The following C6 variants were observed in gnomAD, a reference collection of about 807,000 sequenced individuals.
The protein encoded by C6 is complement component C6.
In C6, 101 loss-of-function variants were observed where a neutral mutation model predicts 112.9. That is an observed-to-expected ratio of 0.89 (90% CI 0.76 to 1.06). The LOEUF (loss-of-function observed/expected upper bound fraction) is 1.06, where lower values mean the gene tolerates loss of function less well. Ranked by LOEUF, C6 falls within the 50% of genes least tolerant of loss-of-function variation. The pLI, the probability that C6 is intolerant of heterozygous loss-of-function variation, is 0.00. For synonymous variants in C6, 431 were observed against 384.1 expected (o/e 1.12, Z -1.43); for missense variants, 1,202 against 1,104.6 (o/e 1.09, Z -1.25).
upstream of C6, among the ~76,000 whole-genome samples, chr5:41,214,546 G>A (rs1464300061): frequency 6.6e-6 from 1 of 152,050 alleles, no homozygotes; most frequent in Non-Finnish European, 1.5e-5. Context: ...ATTGAAATTT[G>A]GGCCTAAAGA....
chr5:41,234,352 TTTTTGTTTTTTG>T (rs1740108052), intron 1 of C6, among the ~76,000 whole-genome samples: 1 of 139,774 alleles, frequency 7.2e-6, no homozygotes, highest in African/African-American at 3.1e-5. Context: ...TTTTTTTTGT[TTTTTGTTTTTTG>T]TTTTTTTTTT....
intron 1 of C6, among the ~76,000 whole-genome samples, chr5:41,226,580 G>A (rs979555620): frequency 6.6e-6 from 1 of 152,216 alleles, no homozygotes; most frequent in South Asian, 2.1e-4. Flanking sequence ...GAAATTTTAT[G>A]TCTCATGAAC....
intron 15 of C6, among the ~76,000 whole-genome samples, chr5:41,152,243 A>T (rs78324877): frequency 0.03 from 4,510 of 152,206 alleles, 220 homozygotes; most frequent in African/African-American, 0.1. Context: ...CACTTGAACC[A>T]AGATGAGGAA....
intron 9 of C6, among the ~76,000 whole-genome samples, chr5:41,168,897 A>G (rs1427438003): frequency 1.3e-5 from 2 of 152,188 alleles, no homozygotes; most frequent in Non-Finnish European, 2.9e-5. Flanking sequence ...CCTTGTAGAG[A>G]ATCTTTTGTA....
intron 4 of C6, among the ~76,000 whole-genome samples, chr5:41,198,320 T>C (rs1456870880): frequency 6.6e-6 from 1 of 152,184 alleles, no homozygotes; most frequent in Non-Finnish European, 1.5e-5. Flanking sequence ...CCATTGACAG[T>C]GGCATTAGTA....
intron 4 of C6, among the ~76,000 whole-genome samples, chr5:41,196,598 A>T (rs1750639677): frequency 6.6e-6 from 1 of 151,626 alleles, no homozygotes; most frequent in Non-Finnish European, 1.5e-5. Context: ...GCACACTTAG[A>T]ATTGCATATT....
intron 1 of C6, among the ~76,000 whole-genome samples, chr5:41,236,531 G>T (rs1561197266): frequency 8.0e-6 from 1 of 124,250 alleles, no homozygotes; most frequent in African/African-American, 3.2e-5. Context: ...AAACCAACGA[G>T]AACAAAGACA....
At chr5:41,202,378 G>A (rs1751095108) in intron 2 of C6, among the ~76,000 whole-genome samples, 1 of 152,170 alleles carries the variant, frequency 6.6e-6, no homozygotes, top group Non-Finnish European at 1.5e-5. Context: ...GAGGAATATT[G>A]TAAACAAATC....
chr5:41,155,196 T>C, intron 13 of C6, 92 bp from the exon 14 acceptor site: 2 of 1,230,208 alleles, frequency 1.6e-6, no homozygotes. Context: ...ATCCTTCACT[T>C]CTGGATCTAC....
chr5:41,176,826 A>T, intron 7 of C6, 111 bp from the exon 8 acceptor site: 1 of 1,036,738 alleles, frequency 9.6e-7, no homozygotes, highest in Non-Finnish European at 1.4e-6. Context: ...ACAGAATTAC[A>T]ATAATTCTCA....
At chr5:41,207,863 C>G (rs2150381371) in intron 1 of C6, among the ~76,000 whole-genome samples, 1 of 152,292 alleles carries the variant, frequency 6.6e-6, no homozygotes, top group East Asian at 1.9e-4. Context: ...GAACTCAGCT[C>G]TGCACCAAGC....
chr5:41,224,920 CT>C (rs1233662997), intron 1 of C6, among the ~76,000 whole-genome samples: 3 of 151,918 alleles, frequency 2.0e-5, no homozygotes, highest in Non-Finnish European at 2.9e-5. Flanking sequence ...TTGTTATTTT[CT>C]TTTTTTTCTT....
exon 1 of C6, chr5:41,261,203 A>C (rs889698823): frequency 1.0e-6 from 1 of 985,714 alleles, no homozygotes; most frequent in Non-Finnish European, 1.2e-6. Flanking sequence ...CTATGCATCT[A>C]TGACTTGAAG....
At chr5:41,184,482 C>CTT (rs71278696) in intron 6 of C6, among the ~76,000 whole-genome samples, 6 of 149,412 alleles carry the variant, frequency 4.0e-5, no homozygotes, top group African/African-American at 4.9e-5. Context: ...CTTTTCTTTT[C>CTT]TTTTTTTTTG....
intron 6 of C6, among the ~76,000 whole-genome samples, chr5:41,183,733 G>A (rs1344230365): frequency 3.3e-5 from 5 of 152,092 alleles, no homozygotes; most frequent in Non-Finnish European, 5.9e-5. Context: ...ATTAACCTAG[G>A]TGCCAATCAG....
rs192141995 is a variant in C6 at position 41,206,000 on chromosome 5, G to C, written c.-20-2750C>G. 5.2e-3 allele frequency among the ~76,000 whole-genome samples: 795 copies of C among 152,306 alleles called. 5 individuals carry two copies. The highest frequency in any genetic ancestry group is 0.035 in the South Asian group (168 of 4,818). Reference sequence around the variant, plus strand: ...GCCGACTGACACCTCATACAGCTGGGTGCCCCTCTGAGACGAAGCTTCCAG... The same window carrying C: ...GCCGACTGACACCTCATACAGCTGGCTGCCCCTCTGAGACGAAGCTTCCAG... On this transcript the variant is annotated intron_variant, in intron 1 of 17. Transcript: ENST00000337836.
At chr5:41,212,373 C>A (rs1752001355) in intron 1 of C6, among the ~76,000 whole-genome samples, 1 of 152,012 alleles carries the variant, frequency 6.6e-6, no homozygotes, top group South Asian at 2.1e-4. Context: ...TTTGGTCAGG[C>A]TCGTCTTGAA....
Position 41,174,153 on chromosome 5 carries a change from A to C in C6, c.1169-1806T>G, listed in dbSNP as rs866375120. On this transcript the variant is annotated intron_variant, in intron 8 of 17. Transcript: ENST00000337836. ...TGAATCTTCAAAGATTTGAATGATGAATATTTTTTATGACATTGGTCATGC... is the reference window on the plus strand; with the variant it reads ...TGAATCTTCAAAGATTTGAATGATGCATATTTTTTATGACATTGGTCATGC... 2.7e-4 allele frequency among the ~76,000 whole-genome samples: 41 copies of C among 152,338 alleles called. No individual in the cohort carries two copies. The Middle Eastern group carries it at 0.01, about 38-fold the overall frequency.
intron 1 of C6, among the ~76,000 whole-genome samples, chr5:41,242,609 TAAGA>T: frequency 6.6e-6 from 1 of 152,210 alleles, no homozygotes; most frequent in Non-Finnish European, 1.5e-5. Context: ...TTTTCTTAAT[TAAGA>T]AATTGTTTTC....
Sources: allele counts gnomAD v4.1 joint callset (sites outside exome capture counted in the v4.1 genomes callset), GRCh38; gene constraint gnomAD v4.1.1; transcripts MANE v1.5; gene names NCBI Gene and HGNC (gene_info 2026-07-23, HGNC 2026-07-21).